The following GRIA3 variants were observed in gnomAD, a reference collection of about 807,000 sequenced individuals.
GRIA3 encodes glutamate receptor 3.
Under a neutral mutation model 63.0 loss-of-function variants are expected in GRIA3, and 3 were observed. That is an observed-to-expected ratio of 0.05 (90% CI 0.02 to 0.12). The LOEUF (loss-of-function observed/expected upper bound fraction) is 0.12. GRIA3 is among the 10% of genes least tolerant of loss of function. GRIA3 has a pLI of 1.00. For synonymous variants in GRIA3, 274 were observed against 257.9 expected (o/e 1.06, Z -0.60); for missense variants, 347 against 700.9 (o/e 0.50, Z 5.70).
At chrX:123,451,505 TAAAAAAAAAAAAAAAAAA>T (rs56991039) in intron 12 of GRIA3, among the ~76,000 whole-genome samples, 7 of 16,191 alleles carry the variant, frequency 4.3e-4, no homozygotes, top group South Asian at 0.022. Context: ...ACTCTGTCTC[TAAAAAAAAAAAAAAAAAA>T]AAAAAAAAAA....
intron 2 of GRIA3, among the ~76,000 whole-genome samples, chrX:123,247,236 C>A (rs2044364501): frequency 8.9e-6 from 1 of 112,390 alleles, no homozygotes; most frequent in Non-Finnish European, 1.9e-5. Flanking sequence ...GAAAAGTGTT[C>A]TGTAAATGAT....
intron 10 of GRIA3, among the ~76,000 whole-genome samples, chrX:123,416,858 C>A (rs2045539132): frequency 1.8e-5 from 2 of 112,464 alleles, no homozygotes; most frequent in South Asian, 7.2e-4. Context: ...TTCAAAAAAC[C>A]TGTTTTAAAA....
chrX:123,329,856 T>C (rs887233989), intron 4 of GRIA3, among the ~76,000 whole-genome samples: 1 of 111,829 alleles, frequency 8.9e-6, no homozygotes, highest in African/African-American at 3.2e-5. Flanking sequence ...AATCTAAACA[T>C]TAATTTTTGA....
chrX:123,483,111 CTT>C (rs199682384), intron 15 of GRIA3, 65 bp downstream of exon 15: 10,364 of 696,458 alleles, frequency 0.015, no homozygotes, highest in Non-Finnish European at 0.017. Flanking sequence ...TTTTTTTCTT[CTT>C]TTTTTTTTTT....
chrX:123,346,730 G>A (rs1018825865), intron 4 of GRIA3, among the ~76,000 whole-genome samples: 14 of 111,911 alleles, frequency 1.3e-4, no homozygotes, highest in African/African-American at 3.9e-4. Flanking sequence ...CTGTTAACTT[G>A]GCTTTCTTTC....
At chrX:123,278,042 C>T (rs1603064534) in intron 3 of GRIA3, among the ~76,000 whole-genome samples, 1 of 111,977 alleles carries the variant, frequency 8.9e-6, no homozygotes, top group Non-Finnish European at 1.9e-5. Context: ...TTACCTAGGT[C>T]CCCACAACAG....
chrX:123,249,902 C>G (rs2044379600), intron 2 of GRIA3, among the ~76,000 whole-genome samples: 1 of 111,605 alleles, frequency 9.0e-6, no homozygotes, highest in South Asian at 3.8e-4. Context: ...TCTCATTCTT[C>G]TTGTCATAAT....
intron 4 of GRIA3, 32 bp downstream of exon 4, chrX:123,326,245 A>G: frequency 8.9e-7 from 1 of 1,127,291 alleles, no homozygotes; most frequent in South Asian, 1.8e-5. Flanking sequence ...CCGCCAGCCA[A>G]CATGTTAAAT....
At chrX:123,427,902 C>A in intron 11 of GRIA3, 39 bp from the exon 12 acceptor site, 1 of 947,272 alleles carries the variant, frequency 1.1e-6, no homozygotes, top group Non-Finnish European at 1.5e-6. Flanking sequence ...TTAGATCTGG[C>A]CCCTCTGGGT....
intron 3 of GRIA3, among the ~76,000 whole-genome samples, chrX:123,265,621 C>T (rs1011131685): frequency 1.8e-5 from 2 of 111,586 alleles, no homozygotes; most frequent in Non-Finnish European, 3.8e-5. Context: ...GAGAAAAATC[C>T]GTGTATAAGT....
chrX:123,368,914 A>G (rs2045230492), intron 5 of GRIA3, among the ~76,000 whole-genome samples: 1 of 112,039 alleles, frequency 8.9e-6, no homozygotes, highest in Non-Finnish European at 1.9e-5. Flanking sequence ...TTCTCCTGAT[A>G]GAGATTGGTG....
intron 5 of GRIA3, among the ~76,000 whole-genome samples, chrX:123,361,581 C>T (rs2045174560): frequency 9.0e-6 from 1 of 111,610 alleles, no homozygotes; most frequent in Non-Finnish European, 1.9e-5. Context: ...TTTCCAACTT[C>T]CTGCCATGCA....
chrX:123,400,411 T>G (rs2045438158), intron 7 of GRIA3, among the ~76,000 whole-genome samples: 1 of 111,708 alleles, frequency 9.0e-6, no homozygotes, highest in African/African-American at 3.2e-5. Context: ...ATCTATTTTT[T>G]CCAAAAGTAG....
intron 2 of GRIA3, among the ~76,000 whole-genome samples, chrX:123,232,199 C>A: frequency 8.9e-6 from 1 of 111,868 alleles, no homozygotes. Context: ...CAGACCTTAA[C>A]CCCTTCCAGC....
chrX:123,384,130 T>C (rs1357709589), intron 5 of GRIA3, among the ~76,000 whole-genome samples: 2 of 112,067 alleles, frequency 1.8e-5, no homozygotes, highest in Non-Finnish European at 3.8e-5. Flanking sequence ...GTTGATTCCA[T>C]GTCTTTGCTA....
chrX:123,435,813 C>G (rs1465117557), intron 12 of GRIA3, among the ~76,000 whole-genome samples: 1 of 112,086 alleles, frequency 8.9e-6, no homozygotes, highest in African/African-American at 3.2e-5. Context: ...TGAATTGTTT[C>G]TAGTTCCACA....
At chrX:123,200,596 CACACACATACAT>C (rs200325868) in intron 2 of GRIA3, among the ~76,000 whole-genome samples, 225 of 83,348 alleles carry the variant, frequency 2.7e-3, no homozygotes, top group South Asian at 5.3e-3. Flanking sequence ...CATATACACA[CACACACATACAT>C]ACACACACAC....
At chrX:123,462,214 C>A (rs2045796650) in intron 12 of GRIA3, among the ~76,000 whole-genome samples, 1 of 111,687 alleles carries the variant, frequency 9.0e-6, no homozygotes. Flanking sequence ...ATAGTCTATT[C>A]TCCATATGGC....
At chrX:123,316,283 G>C (rs2044831016) in intron 3 of GRIA3, among the ~76,000 whole-genome samples, 2 of 110,826 alleles carry the variant, frequency 1.8e-5, no homozygotes, top group Non-Finnish European at 3.8e-5. Context: ...GAATAAACAT[G>C]GACAAAAAAA....
Sources: allele counts gnomAD v4.1 joint callset (sites outside exome capture counted in the v4.1 genomes callset), GRCh38; gene constraint gnomAD v4.1.1; transcripts MANE v1.5; gene names NCBI Gene and HGNC (gene_info 2026-07-23, HGNC 2026-07-21).